Variants in RSPH14 observed in about 807,000 individuals in gnomAD.
The protein encoded by RSPH14 is radial spoke head 14 homolog, also known as rhabdoid tumor deletion region gene 1.
In RSPH14, 20 loss-of-function variants were observed where a neutral mutation model predicts 26.7. That is an observed-to-expected ratio of 0.75 (90% confidence interval 0.53 to 1.09). The LOEUF (loss-of-function observed/expected upper bound fraction) is 1.09. Among genes scored for constraint, RSPH14 ranks in the 50% least tolerant of loss-of-function variants. The pLI is 0.00. For missense variants in RSPH14, 449 were observed against 457.2 expected (o/e 0.98, Z 0.16); for synonymous variants, 177 against 189.3 (o/e 0.93, Z 0.53).
At chr22:23,090,894 C>T (rs1366793984) in intron 4 of RSPH14, among the ~76,000 whole-genome samples, 2 of 152,224 alleles carry the variant, frequency 1.3e-5, no homozygotes, top group African/African-American at 4.8e-5. Flanking sequence ...CTGCCTCATT[C>T]AGCAGCCCCA....
intron 4 of RSPH14, among the ~76,000 whole-genome samples, chr22:23,106,894 AC>A (rs1336477922): frequency 6.6e-6 from 1 of 152,114 alleles, no homozygotes; most frequent in East Asian, 1.9e-4. Flanking sequence ...GGAAGCAGCC[AC>A]CCTTGCCATT....
chr22:23,119,905 TAGTC>T (rs1370909228), intron 4 of RSPH14, among the ~76,000 whole-genome samples: 1 of 152,210 alleles, frequency 6.6e-6, no homozygotes, highest in Non-Finnish European at 1.5e-5. Flanking sequence ...CACTAAATAT[TAGTC>T]AGTGTGGTTC....
the RSPH14 span, chr22:23,156,364 G>A: frequency 4.6e-4 from 114 of 250,324 alleles, no homozygotes; most frequent in Non-Finnish European, 2.8e-4. Context: ...GGGGGAGGTC[G>A]GAGGAGGCTT....
At chr22:23,068,928 G>A (rs946564434) in intron 4 of RSPH14, among the ~76,000 whole-genome samples, 1 of 152,178 alleles carries the variant, frequency 6.6e-6, no homozygotes, top group Non-Finnish European at 1.5e-5. Context: ...CTCAGCCATT[G>A]GCTGAATTCC....
chr22:23,088,001 G>C (rs973991337), intron 4 of RSPH14, among the ~76,000 whole-genome samples: 2 of 152,192 alleles, frequency 1.3e-5, no homozygotes. Flanking sequence ...CTTTGGGAGA[G>C]GGCTGTTACC....
chr22:23,095,070 A>T (rs2146313377), intron 4 of RSPH14, among the ~76,000 whole-genome samples: 1 of 152,340 alleles, frequency 6.6e-6, no homozygotes. Context: ...CATATGTGTT[A>T]CACCATGGTG....
chr22:23,122,773 A>C (rs1377595145), intron 4 of RSPH14: 1 of 390,032 alleles, frequency 2.6e-6, no homozygotes, highest in Non-Finnish European at 4.7e-6. Context: ...CCAGCGGTTT[A>C]GGAGGCTGTG....
At chr22:23,131,036 C>T (rs1601855786) in intron 4 of RSPH14, 1 of 152,566 alleles carries the variant, frequency 6.6e-6, no homozygotes, top group East Asian at 1.9e-4. Flanking sequence ...AGCCATGGCA[C>T]AGTCCTTTTG....
At chr22:23,150,124 C>A in the RSPH14 span, 1 of 1,612,550 alleles carries the variant, frequency 6.2e-7, no homozygotes. Flanking sequence ...GTCAGCGCTG[C>A]CTGCCAACGC....
At chr22:23,098,822 C>T (rs1451124444) in intron 4 of RSPH14, among the ~76,000 whole-genome samples, 2 of 152,242 alleles carry the variant, frequency 1.3e-5, no homozygotes, top group Non-Finnish European at 1.5e-5. Flanking sequence ...AGCTGGCCCC[C>T]AGAGTGGTGC....
At chr22:23,129,132 C>A (rs1188959679) in intron 4 of RSPH14, among the ~76,000 whole-genome samples, 1 of 152,156 alleles carries the variant, frequency 6.6e-6, no homozygotes, top group South Asian at 2.1e-4. Flanking sequence ...CACCCAGAGG[C>A]CCATGAAGGA....
At chr22:23,152,942 T>G in the RSPH14 span, 5 of 918,484 alleles carry the variant, frequency 5.4e-6, no homozygotes, top group African/African-American at 8.2e-5. Context: ...AAGTGGACCT[T>G]ATTTGCCTAA....
intron 4 of RSPH14, among the ~76,000 whole-genome samples, chr22:23,076,621 T>A (rs998111828): frequency 3.3e-5 from 5 of 152,214 alleles, no homozygotes; most frequent in Non-Finnish European, 7.3e-5. Flanking sequence ...GACAGATGCC[T>A]CGGGCTGACG....
At chr22:23,134,293 A>G (rs2070420378) in intron 3 of RSPH14, 149 bp from the exon 4 acceptor site, 1 of 617,288 alleles carries the variant, frequency 1.6e-6, no homozygotes, top group East Asian at 2.9e-5. Context: ...CAAAGGCTAC[A>G]GGTGCGTGAT....
At chr22:23,106,156 T>C (rs1053172797) in intron 4 of RSPH14, among the ~76,000 whole-genome samples, 3 of 152,216 alleles carry the variant, frequency 2.0e-5, no homozygotes, top group African/African-American at 7.2e-5. Context: ...CTCAGCAACT[T>C]TGACCAACAC....
chr22:23,111,984 C>A (rs2069671374), intron 4 of RSPH14, among the ~76,000 whole-genome samples: 1 of 152,206 alleles, frequency 6.6e-6, no homozygotes, highest in Non-Finnish European at 1.5e-5. Context: ...CATCCTTAGA[C>A]CAGTCCTCTG....
At chr22:23,081,852 G>T (rs183316261) in intron 4 of RSPH14, among the ~76,000 whole-genome samples, 1,503 of 141,766 alleles carry the variant, frequency 0.011, 15 homozygotes, top group Non-Finnish European at 0.015. Flanking sequence ...AAGGCCAGGC[G>T]CAGTGGCTCA....
At chr22:23,176,674 T>C in the RSPH14 span, among the ~76,000 whole-genome samples, 1 of 152,322 alleles carries the variant, frequency 6.6e-6, no homozygotes, top group African/African-American at 2.4e-5. Flanking sequence ...AGAATGCTCC[T>C]GAATTCTAAC....
chr22:23,180,040 G>A, the RSPH14 span: 323 of 367,082 alleles, frequency 8.8e-4, 2 homozygotes, highest in African/African-American at 3.4e-3. Context: ...ATGGCACTGC[G>A]GCGTGGTAGG....
Sources: gnomAD v4.1 joint callset for allele counts (sites outside exome capture counted in the v4.1 genomes callset) on GRCh38, gnomAD v4.1.1 for gene constraint, MANE v1.5 for transcripts, NCBI Gene and HGNC (gene_info 2026-07-23, HGNC 2026-07-21) for gene names.